Variants in ADAMTS6 observed in about 807,000 individuals in gnomAD.
ADAMTS6 encodes ADAM metallopeptidase with thrombospondin type 1 motif 6.
A neutral mutation model predicts 144.3 loss-of-function variants in ADAMTS6; 23 were observed. The observed-to-expected ratio is 0.16, with a 90% CI of 0.11 to 0.23. The LOEUF is 0.23. ADAMTS6 is among the 10% of genes least tolerant of loss of function. The probability of loss-of-function intolerance (pLI) is 1.00; values close to 1 mark genes in which losing one functional copy is unlikely to be tolerated. For synonymous variants in ADAMTS6, 444 were observed against 457.5 expected (o/e 0.97, Z 0.38); for missense variants, 999 against 1,379.6 (o/e 0.72, Z 4.37).
chr5:65,398,828 GAAAGAAAGAAAGAAAGAAAGAA>G lies in ADAMTS6; in HGVS notation c.1073+52625_1073+52646del, dbSNP rs1471774449. 4.3e-3 allele frequency among the ~76,000 whole-genome samples: 630 copies of G among 145,104 alleles called. 9 individuals are homozygous for G. Among genetic ancestry groups the G allele is most frequent in the African/African-American group, 0.015 (585 of 37,874 alleles). Reference sequence around the variant, plus strand: ...AGAAAGAAAGAAAGAAAGAAAGAAAGAAAGAAAGAAAGAAAGAAAGAAAAAGAAAGAGAAAGAAAGAAAGAAA... The same window carrying G: ...AGAAAGAAAGAAAGAAAGAAAGAAAGAAAGAAAGAGAAAGAAAGAAAGAAA... On this transcript the variant is annotated intron_variant, in intron 7 of 24. Transcript: ENST00000381055.
At chr5:65,229,795 T>C (rs1758002730) in intron 15 of ADAMTS6, among the ~76,000 whole-genome samples, 1 of 152,142 alleles carries the variant, frequency 6.6e-6, no homozygotes, top group Non-Finnish European at 1.5e-5. Context: ...AACTACATTT[T>C]CACATTATAG....
intron 15 of ADAMTS6, among the ~76,000 whole-genome samples, chr5:65,231,622 T>C (rs1758256838): frequency 6.6e-6 from 1 of 152,128 alleles, no homozygotes; most frequent in African/African-American, 2.4e-5. Context: ...TACATACATG[T>C]TAGGCCACAA....
At chr5:65,452,317 A>G (rs559959758) in intron 5 of ADAMTS6, 101 bp from the exon 6 acceptor site, 41 of 921,210 alleles carry the variant, frequency 4.5e-5, no homozygotes, top group Non-Finnish European at 6.6e-5. Flanking sequence ...AAATTTAGCC[A>G]TTGTATACAT....
intron 7 of ADAMTS6, among the ~76,000 whole-genome samples, chr5:65,338,999 C>A (rs1320136033): frequency 6.6e-6 from 1 of 152,156 alleles, no homozygotes; most frequent in Admixed American, 6.5e-5. Flanking sequence ...TGAGAAATAG[C>A]CCTCCAAGCC....
intron 22 of ADAMTS6, among the ~76,000 whole-genome samples, chr5:65,180,282 C>T (rs1754264370): frequency 6.6e-6 from 1 of 152,166 alleles, no homozygotes. Context: ...GCATTTCCTC[C>T]AACTTAGAAA....
chr5:65,373,937 T>G (rs1351855630), intron 7 of ADAMTS6, among the ~76,000 whole-genome samples: 1 of 152,198 alleles, frequency 6.6e-6, no homozygotes, highest in Non-Finnish European at 1.5e-5. Context: ...ATCCCTGGGA[T>G]GCAAGGCTGG....
chr5:65,257,265 T>A (rs10039081), intron 14 of ADAMTS6, among the ~76,000 whole-genome samples: 45,556 of 151,858 alleles, frequency 0.3, 7,148 homozygotes, highest in Admixed American at 0.38. Context: ...TGAACTCCTT[T>A]ACCTCCAGTC....
chr5:65,420,389 T>C (rs1755921461), intron 7 of ADAMTS6, among the ~76,000 whole-genome samples: 1 of 150,812 alleles, frequency 6.6e-6, no homozygotes, highest in Non-Finnish European at 1.5e-5. Flanking sequence ...TCGATCTGAA[T>C]TTTTTTTTTC....
intron 1 of ADAMTS6, among the ~76,000 whole-genome samples, chr5:65,479,412 A>G (rs1761055413): frequency 1.3e-5 from 2 of 152,234 alleles, no homozygotes; most frequent in Non-Finnish European, 2.9e-5. Context: ...CATGATTTAT[A>G]AAACTCAAGC....
At chr5:65,261,467 T>TC (rs1761188600) in intron 13 of ADAMTS6, among the ~76,000 whole-genome samples, 2 of 152,102 alleles carry the variant, frequency 1.3e-5, no homozygotes, top group Non-Finnish European at 2.9e-5. Flanking sequence ...CAGGGTTTTT[T>TC]ATACTTTGAT....
At chr5:65,314,596 T>C (rs1744810790) in intron 9 of ADAMTS6, among the ~76,000 whole-genome samples, 1 of 152,126 alleles carries the variant, frequency 6.6e-6, no homozygotes, top group South Asian at 2.1e-4. Context: ...CATGTATGCA[T>C]ATCATATTCA....
chr5:65,335,942 T>TAA (rs149791119), intron 7 of ADAMTS6, among the ~76,000 whole-genome samples: 85 of 150,232 alleles, frequency 5.7e-4, no homozygotes, highest in Non-Finnish European at 1.1e-3. Flanking sequence ...TAAGCCAGAT[T>TAA]AAAAAAAAAG....
At chr5:65,294,014 T>C (rs965467518) in intron 10 of ADAMTS6, among the ~76,000 whole-genome samples, 8 of 152,184 alleles carry the variant, frequency 5.3e-5, no homozygotes, top group African/African-American at 1.9e-4. Flanking sequence ...TTGGCTATAT[T>C]TGTACAAATT....
At chr5:65,453,163 T>C (rs1344948683) in intron 4 of ADAMTS6, among the ~76,000 whole-genome samples, 1 of 152,136 alleles carries the variant, frequency 6.6e-6, no homozygotes, top group African/African-American at 2.4e-5. Context: ...AATTAATTAA[T>C]AAAAATAATT....
chr5:65,295,554 T>C (rs1436192538), intron 10 of ADAMTS6, among the ~76,000 whole-genome samples: 2 of 152,244 alleles, frequency 1.3e-5, no homozygotes, highest in Non-Finnish European at 2.9e-5. Flanking sequence ...TCCATCTATG[T>C]TATGTAGTTA....
chr5:65,258,244 G>A (rs1760864265), intron 14 of ADAMTS6, among the ~76,000 whole-genome samples: 1 of 152,132 alleles, frequency 6.6e-6, no homozygotes. Flanking sequence ...TTGAGTAAAG[G>A]TGAGGCGAGA....
At chr5:65,229,827 G>A (rs1185650525) in intron 15 of ADAMTS6, among the ~76,000 whole-genome samples, 1 of 152,038 alleles carries the variant, frequency 6.6e-6, no homozygotes, top group Non-Finnish European at 1.5e-5. Flanking sequence ...GGAAAAGAAA[G>A]TGGAATAGGC....
At chr5:65,431,572 G>A (rs148968850) in intron 7 of ADAMTS6, among the ~76,000 whole-genome samples, 87 of 152,200 alleles carry the variant, frequency 5.7e-4, no homozygotes, top group African/African-American at 2.1e-3. Context: ...TGTAAAACAA[G>A]GTAACAGAGG....
chr5:65,408,197 G>A (rs1653365269), intron 7 of ADAMTS6, among the ~76,000 whole-genome samples: 1 of 152,142 alleles, frequency 6.6e-6, no homozygotes, highest in South Asian at 2.1e-4. Flanking sequence ...AAAAGACACA[G>A]ACTGGCAAAT....
Sources: allele counts gnomAD v4.1 joint callset (sites outside exome capture counted in the v4.1 genomes callset), GRCh38; gene constraint gnomAD v4.1.1; transcripts MANE v1.5; gene names NCBI Gene and HGNC (gene_info 2026-07-23, HGNC 2026-07-21).